SNX8: variants seen among roughly 807,000 people sequenced by gnomAD.
The protein encoded by SNX8 is sorting nexin-8.
A neutral mutation model predicts 51.6 loss-of-function variants in SNX8; 25 were observed. The ratio of observed to expected loss-of-function variants is 0.48; its 90% CI spans 0.35 to 0.68. The LOEUF is 0.68. Ranked by LOEUF, SNX8 falls within the 30% of genes least tolerant of loss-of-function variation. SNX8 has a pLI of 0.00. For missense variants in SNX8, 695 were observed against 624.0 expected, an observed-to-expected ratio of 1.11 and a Z score of -1.21; for synonymous variants, 324 against 277.0, an observed-to-expected ratio of 1.17 and a Z score of -1.68.
chr7:2,314,475 T>TGCCGC (rs1554267706), upstream of SNX8: 3 of 1,183,396 alleles, frequency 2.5e-6, no homozygotes, highest in Non-Finnish European at 2.1e-6. Context: ...CGCGCAGCCC[T>TGCCGC]GCCGCGCCGC....
intron 1 of SNX8, among the ~76,000 whole-genome samples, chr7:2,297,330 C>G (rs1216287431): frequency 2.6e-5 from 4 of 151,712 alleles, no homozygotes; most frequent in Non-Finnish European, 5.9e-5. Flanking sequence ...GCGGGCAGAT[C>G]ACTTGAGGTC....
At chr7:2,271,157 C>A (rs928580493) in intron 4 of SNX8, among the ~76,000 whole-genome samples, 1 of 152,258 alleles carries the variant, frequency 6.6e-6, no homozygotes, top group Non-Finnish European at 1.5e-5. Flanking sequence ...GATTCTCATG[C>A]CTCAGCCTCC....
intron 1 of SNX8, among the ~76,000 whole-genome samples, chr7:2,306,640 T>C (rs1796550924): frequency 6.6e-6 from 1 of 152,196 alleles, no homozygotes; most frequent in Non-Finnish European, 1.5e-5. Flanking sequence ...TAAAGACGCA[T>C]ATTCACTATG....
intron 1 of SNX8, among the ~76,000 whole-genome samples, chr7:2,347,948 G>T (rs1779064206): frequency 6.6e-6 from 1 of 151,968 alleles, no homozygotes; most frequent in African/African-American, 2.4e-5. Flanking sequence ...GGCCCACACT[G>T]GACCCTTTGA....
At chr7:2,353,749 TTTTA>T (rs1425357651) in intron 1 of SNX8, among the ~76,000 whole-genome samples, 4 of 151,880 alleles carry the variant, frequency 2.6e-5, no homozygotes, top group Non-Finnish European at 4.4e-5. Flanking sequence ...GTACCACCTG[TTTTA>T]TTTATTTATT....
At chr7:2,274,333 C>A (rs1473260433) in intron 3 of SNX8, among the ~76,000 whole-genome samples, 1 of 152,254 alleles carries the variant, frequency 6.6e-6, no homozygotes, top group African/African-American at 2.4e-5. Context: ...AGCTCCCATG[C>A]TGCGTCCCCG....
intron 1 of SNX8, among the ~76,000 whole-genome samples, chr7:2,313,962 AC>A (rs956181120): frequency 6.6e-6 from 1 of 152,206 alleles, no homozygotes; most frequent in Non-Finnish European, 1.5e-5. Flanking sequence ...GCTCAGCGTG[AC>A]CAGGCAGGGC....
At chr7:2,333,890 A>G (rs551286689) in intron 1 of SNX8, among the ~76,000 whole-genome samples, 3 of 152,090 alleles carry the variant, frequency 2.0e-5, no homozygotes, top group Admixed American at 1.3e-4. Flanking sequence ...TAATCCCAGC[A>G]CTTTGGGAGG....
At chr7:2,332,740 AGAAAAGG>A (rs1778758493) in intron 1 of SNX8, among the ~76,000 whole-genome samples, 6 of 126,782 alleles carry the variant, frequency 4.7e-5, no homozygotes, top group African/African-American at 7.9e-5. Context: ...AGAGAGAGAG[AGAAAAGG>A]AAGGAAGGAA....
At chr7:2,343,017 A>C (rs1778961771) in intron 1 of SNX8, among the ~76,000 whole-genome samples, 1 of 150,014 alleles carries the variant, frequency 6.7e-6, no homozygotes, top group South Asian at 2.1e-4. Context: ...CTGGTCTTGA[A>C]CTCCTGACCT....
intron 1 of SNX8, among the ~76,000 whole-genome samples, chr7:2,321,371 C>A (rs2115225022): frequency 6.6e-6 from 1 of 152,250 alleles, no homozygotes; most frequent in Admixed American, 6.5e-5. Context: ...AGCAGATCCT[C>A]CCCACAGAAT....
At chr7:2,273,642 A>G (rs902011654) in intron 3 of SNX8, among the ~76,000 whole-genome samples, 2 of 151,484 alleles carry the variant, frequency 1.3e-5, no homozygotes, top group South Asian at 4.2e-4. Context: ...GGTGGCTCAC[A>G]CCTGTAATCC....
chr7:2,266,333 T>C (rs1157440835), intron 5 of SNX8, among the ~76,000 whole-genome samples: 2 of 146,946 alleles, frequency 1.4e-5, no homozygotes, highest in African/African-American at 5.0e-5. Flanking sequence ...TACAGGTGCC[T>C]GCCACCAAGC....
intron 1 of SNX8, among the ~76,000 whole-genome samples, chr7:2,320,489 G>A (rs1043126134): frequency 6.6e-6 from 1 of 152,176 alleles, no homozygotes; most frequent in African/African-American, 2.4e-5. Flanking sequence ...GGGAGGCCAA[G>A]GCAGGAGGAT....
intron 1 of SNX8, among the ~76,000 whole-genome samples, chr7:2,327,342 C>A (rs1417988527): frequency 6.6e-6 from 1 of 152,022 alleles, no homozygotes; most frequent in Non-Finnish European, 1.5e-5. Context: ...TGGGTTCACG[C>A]CATTCTCCTG....
intron 1 of SNX8, among the ~76,000 whole-genome samples, chr7:2,332,253 A>G (rs1221251629): frequency 6.6e-6 from 1 of 150,764 alleles, no homozygotes; most frequent in Non-Finnish European, 1.5e-5. Flanking sequence ...CACATATATA[A>G]TAAAATAAAT....
chr7:2,309,204 T>C (rs568636701), intron 1 of SNX8, among the ~76,000 whole-genome samples: 2 of 152,244 alleles, frequency 1.3e-5, no homozygotes, highest in South Asian at 4.2e-4. Flanking sequence ...GGATTACAGG[T>C]GTGAGCCACC....
rs377058575 is a variant in SNX8, at chr7:2,257,708, C to T, written c.984+27G>A. 9.4e-5 allele frequency: 152 copies of T among 1,611,092 alleles called. No homozygotes were observed. In the African/African-American group the frequency reaches 2.0e-3, roughly 21 times the overall value. Reference sequence around the variant, plus strand: ...TAAGATCATTCCTGAAAGTTCTGCCCCCAGCCAAGGAGCAGCCAAGACTCA... The same window carrying T: ...TAAGATCATTCCTGAAAGTTCTGCCTCCAGCCAAGGAGCAGCCAAGACTCA... On this transcript the variant is annotated intron_variant, in intron 8 of 10. Coordinates refer to ENST00000222990, the MANE Select transcript of SNX8 (RefSeq NM_013321.4).
At position 2,351,650 on chromosome 7, in the gene SNX8, A is replaced by G. The variant is rs184505200; in HGVS notation, c.-66+2572T>C. On this transcript the variant is annotated intron_variant, in intron 1 of 5. Coordinates refer to the SNX8 transcript ENST00000435336. Reference sequence around the variant, plus strand: ...GAGTGAGACCATCCTGACTAACAGGATGAAACCCGTCTCTACTAAAAATAC... The same window carrying G: ...GAGTGAGACCATCCTGACTAACAGGGTGAAACCCGTCTCTACTAAAAATAC... Among the ~76,000 whole-genome samples, 513 of 151,836 alleles carry G rather than the reference A, an allele frequency of 3.4e-3. 4 individuals carry two copies. The highest frequency in any genetic ancestry group is 0.012 in the African/African-American group (485 of 41,476).
Sources: gnomAD v4.1 joint callset for allele counts (sites outside exome capture counted in the v4.1 genomes callset) on GRCh38, gnomAD v4.1.1 for gene constraint, MANE v1.5 for transcripts, NCBI Gene and HGNC (gene_info 2026-07-23, HGNC 2026-07-21) for gene names.